SORCS1: variants seen among roughly 807,000 people sequenced by gnomAD.
SORCS1 encodes the protein VPS10 domain-containing receptor SorCS1.
Under a neutral mutation model 146.1 loss-of-function variants are expected in SORCS1, and 60 were observed. The ratio of observed to expected loss-of-function variants is 0.41; its 90% CI spans 0.33 to 0.51. The LOEUF (loss-of-function observed/expected upper bound fraction) is 0.51. SORCS1 is among the 20% of genes least tolerant of loss of function. The pLI is 0.21. For missense variants in SORCS1, 1,352 were observed against 1,487.6 expected, an observed-to-expected ratio of 0.91 and a Z score of 1.50; for synonymous variants, 637 against 584.0, an observed-to-expected ratio of 1.09 and a Z score of -1.31.
intron 3 of SORCS1, among the ~76,000 whole-genome samples, chr10:106,780,977 CTTT>C (rs3045084): frequency 0.24 from 35,638 of 146,056 alleles, 4,499 homozygotes; most frequent in Non-Finnish European, 0.29. Context: ...GTCACTTCTC[CTTT>C]TTTTTTTTTT....
At chr10:107,091,374 T>C (rs1396892514) in intron 1 of SORCS1, among the ~76,000 whole-genome samples, 1 of 152,234 alleles carries the variant, frequency 6.6e-6, no homozygotes, top group Non-Finnish European at 1.5e-5. Flanking sequence ...CTTCTGATGA[T>C]AACAATCCAT....
At chr10:106,810,410 G>A (rs1027668933) in intron 3 of SORCS1, among the ~76,000 whole-genome samples, 45 of 152,106 alleles carry the variant, frequency 3.0e-4, no homozygotes, top group African/African-American at 1.1e-3. Flanking sequence ...TTAAAAAAAT[G>A]TTCTTCTTTC....
chr10:107,157,244 T>C (rs1969358305), intron 1 of SORCS1, among the ~76,000 whole-genome samples: 1 of 151,936 alleles, frequency 6.6e-6, no homozygotes, highest in African/African-American at 2.4e-5. Flanking sequence ...AACTCTTGCC[T>C]GTGATGGGCT....
At chr10:106,593,471 C>T (rs1266410928) in intron 24 of SORCS1, among the ~76,000 whole-genome samples, 1 of 152,144 alleles carries the variant, frequency 6.6e-6, no homozygotes, top group Non-Finnish European at 1.5e-5. Context: ...TGCGTTATGA[C>T]CAGCATAGCC....
intron 18 of SORCS1, among the ~76,000 whole-genome samples, chr10:106,651,028 T>C (rs1849820737): frequency 6.6e-6 from 1 of 152,194 alleles, no homozygotes; most frequent in Non-Finnish European, 1.5e-5. Context: ...AATTGGCCTG[T>C]GTTTTTCTAG....
intron 2 of SORCS1, among the ~76,000 whole-genome samples, chr10:106,928,180 G>C (rs982126243): frequency 1.3e-5 from 2 of 152,224 alleles, no homozygotes; most frequent in African/African-American, 4.8e-5. Flanking sequence ...GGGAGGCTCG[G>C]GCCGCACAGG....
chr10:106,694,808 T>C (rs1853573481), intron 9 of SORCS1, among the ~76,000 whole-genome samples: 1 of 152,220 alleles, frequency 6.6e-6, no homozygotes, highest in African/African-American at 2.4e-5. Flanking sequence ...GCACACATTC[T>C]TGTGTATTCT....
At chr10:106,598,106 G>T (rs1398955581) in intron 23 of SORCS1, among the ~76,000 whole-genome samples, 3 of 152,042 alleles carry the variant, frequency 2.0e-5, no homozygotes, top group Admixed American at 6.6e-5. Flanking sequence ...TAGAAATAGT[G>T]TAAGGTAAGG....
intron 9 of SORCS1, among the ~76,000 whole-genome samples, chr10:106,692,450 G>A (rs1029990145): frequency 2.6e-5 from 4 of 152,158 alleles, no homozygotes; most frequent in Admixed American, 1.3e-4. Context: ...CACGACTGGG[G>A]AGAAGATGCG....
chr10:106,618,871 T>G (rs1285836979), intron 20 of SORCS1, among the ~76,000 whole-genome samples: 2 of 152,014 alleles, frequency 1.3e-5, no homozygotes, highest in Non-Finnish European at 2.9e-5. Flanking sequence ...GATAGTGGTT[T>G]GAGGATTCAA....
At chr10:107,056,038 T>A (rs1464593245) in intron 1 of SORCS1, among the ~76,000 whole-genome samples, 1 of 152,214 alleles carries the variant, frequency 6.6e-6, no homozygotes, top group Non-Finnish European at 1.5e-5. Context: ...CCCAGTAGTT[T>A]CTTTATGACA....
At chr10:107,065,959 C>T (rs1268143435) in intron 1 of SORCS1, among the ~76,000 whole-genome samples, 1 of 152,224 alleles carries the variant, frequency 6.6e-6, no homozygotes, top group African/African-American at 2.4e-5. Flanking sequence ...CAAACCCAGA[C>T]TGTTTGATTC....
At chr10:107,056,149 T>C (rs1960612369) in intron 1 of SORCS1, among the ~76,000 whole-genome samples, 1 of 152,150 alleles carries the variant, frequency 6.6e-6, no homozygotes, top group African/African-American at 2.4e-5. Flanking sequence ...ACAATAAACG[T>C]CCTATCAACC....
intron 1 of SORCS1, among the ~76,000 whole-genome samples, chr10:107,069,970 T>C (rs188129480): frequency 6.6e-6 from 1 of 152,286 alleles, no homozygotes; most frequent in East Asian, 1.9e-4. Context: ...TAGCAGTAAC[T>C]TCCCACTGTC....
At chr10:106,657,230 T>A (rs1344441107) in intron 17 of SORCS1, among the ~76,000 whole-genome samples, 1 of 152,000 alleles carries the variant, frequency 6.6e-6, no homozygotes, top group Non-Finnish European at 1.5e-5. Flanking sequence ...GATGAGTGGA[T>A]AAAGGAAATG....
At chr10:106,696,014 C>T (rs969037612) in intron 9 of SORCS1, among the ~76,000 whole-genome samples, 2 of 152,146 alleles carry the variant, frequency 1.3e-5, no homozygotes, top group Admixed American at 6.6e-5. Context: ...TTTAGAAAGA[C>T]CCGTCAGCAA....
intron 9 of SORCS1, among the ~76,000 whole-genome samples, chr10:106,693,335 T>C (rs1271082702): frequency 3.3e-5 from 5 of 152,198 alleles, no homozygotes; most frequent in Admixed American, 6.5e-5. Flanking sequence ...GGTCATCCCA[T>C]TGGAGAATCT....
At chr10:106,923,324 T>G (rs2138440332) in intron 2 of SORCS1, among the ~76,000 whole-genome samples, 1 of 152,376 alleles carries the variant, frequency 6.6e-6, no homozygotes, top group Middle Eastern at 3.4e-3. Context: ...CTATGTCTTT[T>G]TATGGCTTAA....
intron 1 of SORCS1, among the ~76,000 whole-genome samples, chr10:106,989,739 T>C (rs1956686299): frequency 7.0e-6 from 1 of 142,856 alleles, no homozygotes. Context: ...CAGGCTGGAG[T>C]GCAGTGGCGC....
Sources: allele counts gnomAD v4.1 joint callset (sites outside exome capture counted in the v4.1 genomes callset), GRCh38; gene constraint gnomAD v4.1.1; transcripts MANE v1.5; gene names NCBI Gene and HGNC (gene_info 2026-07-23, HGNC 2026-07-21).